Variants in MCCC2 observed in about 807,000 individuals in gnomAD.
MCCC2 encodes the protein methylcrotonyl-CoA carboxylase subunit 2, also known as methylcrotonoyl-CoA carboxylase beta chain, mitochondrial.
MCCC2 carries 52 observed loss-of-function variants against 77.2 expected under a neutral mutation model. That is an observed-to-expected ratio of 0.67 (90% confidence interval 0.54 to 0.85). MCCC2 has a LOEUF of 0.85. MCCC2 is among the 40% of genes least tolerant of loss of function. The probability of loss-of-function intolerance (pLI) is 0.00; values close to 1 mark genes in which losing one functional copy is unlikely to be tolerated. For missense variants in MCCC2, 682 were observed against 703.2 expected (o/e 0.97, Z 0.34); for synonymous variants, 253 against 248.4 (o/e 1.02, Z -0.18).
At chr5:71,633,131 A>ATATATATATATTTTTTTTTTTT (rs1554137344) in intron 8 of MCCC2, among the ~76,000 whole-genome samples, 1 of 78,094 alleles carries the variant, frequency 1.3e-5, no homozygotes, top group African/African-American at 5.1e-5. Flanking sequence ...ATATATATAT[A>ATATATATATATTTTTTTTTTTT]TTTTTATTTT....
At chr5:71,648,056 GA>G in intron 13 of MCCC2, among the ~76,000 whole-genome samples, 1 of 152,190 alleles carries the variant, frequency 6.6e-6, no homozygotes, top group East Asian at 1.9e-4. Flanking sequence ...GAGCTTTTCT[GA>G]GGGTCCAGCT....
rs72536613 is a variant in MCCC2, at chr5:71,593,089, A to ATT, written c.196+112_196+113dup. 948 of 798,032 alleles carry ATT rather than the reference A, an allele frequency of 1.2e-3. 3 individuals are homozygous for ATT. The highest frequency in any genetic ancestry group is 7.5e-3 in the African/African-American group (391 of 51,946). 49.4% of individuals were successfully genotyped at this position (798,032 alleles called of 1,614,324 possible). ...AAAATACTGGAATTAAGCTTTTGAT[A>ATT]TTTTTTTTTTTTTTTTGAGATGGAG... On this transcript the variant is annotated intron_variant, in intron 2 of 16. Coordinates refer to ENST00000340941, the MANE Select transcript of MCCC2 (RefSeq NM_022132.5).
chr5:71,610,547 A>G (rs538895866), intron 6 of MCCC2, among the ~76,000 whole-genome samples: 1 of 152,286 alleles, frequency 6.6e-6, no homozygotes, highest in East Asian at 1.9e-4. Flanking sequence ...TCACGCTGAG[A>G]GCTGTAGACC....
intron 6 of MCCC2, among the ~76,000 whole-genome samples, chr5:71,618,439 T>C (rs765675932): frequency 1.3e-5 from 2 of 152,206 alleles, no homozygotes; most frequent in African/African-American, 2.4e-5. Flanking sequence ...TCCAGAACCG[T>C]GAAAAGTAAA....
intron 6 of MCCC2, among the ~76,000 whole-genome samples, chr5:71,619,238 G>A (rs1580304032): frequency 6.6e-6 from 1 of 151,966 alleles, no homozygotes; most frequent in East Asian, 1.9e-4. Flanking sequence ...GTTAGGATAG[G>A]TACTGCATCC....
At chr5:71,619,084 CAT>C (rs1269598100) in intron 6 of MCCC2, among the ~76,000 whole-genome samples, 3 of 152,080 alleles carry the variant, frequency 2.0e-5, no homozygotes, top group Non-Finnish European at 4.4e-5. Context: ...TTTTTGGAGA[CAT>C]ATTTAAAATT....
At chr5:71,633,115 A>T (rs1561841310) in intron 8 of MCCC2, among the ~76,000 whole-genome samples, 8 of 38,036 alleles carry the variant, frequency 2.1e-4, no homozygotes, top group Admixed American at 1.0e-3. Flanking sequence ...ATATATATAT[A>T]TATATATATA....
rs531567604 is a variant in MCCC2, at chr5:71,626,706, A to G, written c.691A>G (p.Ile231Val). The change falls in exon 7 of 17, where the codon ATC becomes GTC. Residue 231 changes from isoleucine to valine, a missense_variant. By Grantham distance (29) the Ile-to-Val change is conservative. Coordinates refer to ENST00000340941, the MANE Select transcript of MCCC2 (RefSeq NM_022132.5). ...AYVPAMADENIIVRKQGTIFL... is the reference protein window; with the variant it reads ...AYVPAMADENVIVRKQGTIFL... ...TGTGCCTGCCATGGCTGATGAAAACATCATTGTACGCAAGCAGGGTACCAT... is the reference window on the plus strand; with the variant it reads ...TGTGCCTGCCATGGCTGATGAAAACGTCATTGTACGCAAGCAGGGTACCAT... 6.2e-7 allele frequency: 1 copy of G among 1,614,162 alleles called. No individual in the cohort carries two copies. Among genetic ancestry groups the G allele is most frequent in the Middle Eastern group, 1.6e-4 (1 of 6,062 alleles).
In MCCC2 at chr5:71,593,084, T is replaced by C; in HGVS notation, c.196+92T>C. 4 of 1,156,188 alleles carry C rather than the reference T, an allele frequency of 3.5e-6. No homozygotes were observed. The South Asian group carries it at 5.4e-5, about 16-fold the overall frequency. The allele number at this position is 1,156,188 out of a possible 1,614,324, so 71.6% of individuals were successfully genotyped here. A position where few individuals can be genotyped will look rare whatever the true frequency, so the allele number is the denominator to read the frequency against. The stretch of plus-strand genomic sequence containing the variant: ...TAGGAAAAATACTGGAATTAAGCTT[T>C]TGATATTTTTTTTTTTTTTTTGAGA... On this transcript the variant is annotated intron_variant, in intron 2 of 16. Transcript: ENST00000340941.
intron 8 of MCCC2, among the ~76,000 whole-genome samples, chr5:71,633,121 A>T (rs1416876270): frequency 0.032 from 950 of 29,750 alleles, 56 homozygotes; most frequent in Non-Finnish European, 0.056. Context: ...ATATATATAT[A>T]TATATATATA....
At chr5:71,630,437 G>A (rs1580314768) in intron 7 of MCCC2, among the ~76,000 whole-genome samples, 1 of 151,176 alleles carries the variant, frequency 6.6e-6, no homozygotes, top group Non-Finnish European at 1.5e-5. Context: ...ATCAAACGTT[G>A]TGGGTGTTCA....
intron 8 of MCCC2, among the ~76,000 whole-genome samples, chr5:71,633,132 T>TATATATATATATA (rs1561841495): frequency 1.1e-5 from 1 of 89,616 alleles, no homozygotes; most frequent in African/African-American, 4.3e-5. Context: ...TATATATATA[T>TATATATATATATA]TTTTATTTTT....
At chr5:71,613,993 T>C (rs897404680) in intron 6 of MCCC2, among the ~76,000 whole-genome samples, 5 of 150,698 alleles carry the variant, frequency 3.3e-5, no homozygotes, top group Non-Finnish European at 5.9e-5. Flanking sequence ...GTTCATATTA[T>C]ATATATATGG....
At chr5:71,633,751 T>C (rs1288294332) in intron 8 of MCCC2, among the ~76,000 whole-genome samples, 2 of 152,204 alleles carry the variant, frequency 1.3e-5, no homozygotes, top group African/African-American at 4.8e-5. Context: ...AAGCATTTTA[T>C]TTTAAATATT....
intron 11 of MCCC2, among the ~76,000 whole-genome samples, chr5:71,641,772 A>C (rs1270127938): frequency 1.3e-5 from 2 of 152,220 alleles, no homozygotes; most frequent in African/African-American, 4.8e-5. Flanking sequence ...GTAGTTAGTC[A>C]AAGGTAATAC....
intron 7 of MCCC2, 39 bp from the exon 8 acceptor site, chr5:71,632,082 A>T: frequency 6.3e-7 from 1 of 1,593,162 alleles, no homozygotes; most frequent in African/African-American, 1.3e-5. Flanking sequence ...TATATGTCTG[A>T]TGGACCGATT....
intron 2 of MCCC2, among the ~76,000 whole-genome samples, chr5:71,593,243 A>C (rs547053110): frequency 2.0e-5 from 3 of 152,130 alleles, no homozygotes; most frequent in East Asian, 3.9e-4. Context: ...GCCTGCCTCC[A>C]TGCCTGTCTA....
Position 71,635,239 on chromosome 5 carries a change from T to C in MCCC2, c.992T>C (p.Val331Ala). Reference sequence around the variant, plus strand: ...GCTAACCTTAAGAGGAGCTTTGATGTCCGAGAGGTATGTGAAAGTGGAACT... The same window carrying C: ...GCTAACCTTAAGAGGAGCTTTGATGCCCGAGAGGTATGTGAAAGTGGAACT... Reference protein sequence around the residue: ...VGANLKRSFDVREVIARIVDG... With the variant: ...VGANLKRSFDAREVIARIVDG... Residue 331 changes from valine (V) to alanine (A), a missense_variant, in exon 10 of 17, where the codon GTC (valine) becomes GCC (alanine). Coordinates refer to ENST00000340941, the MANE Select transcript of MCCC2 (RefSeq NM_022132.5). 1 of 1,614,022 alleles carries C rather than the reference T, an allele frequency of 6.2e-7. No homozygotes were observed. The highest frequency in any genetic ancestry group is 1.7e-4 in the Middle Eastern group (1 of 6,060).
chr5:71,656,978 T>A lies in MCCC2; in HGVS notation c.*118T>A. 1 of 759,456 alleles carries A rather than the reference T, an allele frequency of 1.3e-6. No homozygotes were observed. Among genetic ancestry groups the A allele is most frequent in the South Asian group, 1.5e-5 (1 of 68,772 alleles). The allele number at this position is 759,456 out of a possible 1,614,324, so 47.0% of individuals were successfully genotyped here. A position where few individuals can be genotyped will look rare whatever the true frequency, so the allele number is the denominator to read the frequency against. On this transcript the variant is annotated 3_prime_UTR_variant, in exon 17 of 17. Coordinates refer to ENST00000340941, the MANE Select transcript of MCCC2 (RefSeq NM_022132.5). ...ACAGTAATTTTTTTAACACTGTGCA[T>A]TGTACTTTTCTACCTTAAAAAAATC...
Sources: gnomAD v4.1 joint callset for allele counts (sites outside exome capture counted in the v4.1 genomes callset) on GRCh38, gnomAD v4.1.1 for gene constraint, MANE v1.5 for transcripts, NCBI Gene and HGNC (gene_info 2026-07-23, HGNC 2026-07-21) for gene names.